The following FGGY variants were observed in gnomAD, a reference collection of about 807,000 sequenced individuals.
FGGY encodes the protein FGGY carbohydrate kinase domain-containing protein.
FGGY carries 72 observed loss-of-function variants against 71.3 expected under a neutral mutation model. The observed-to-expected ratio is 1.01, with a 90% CI of 0.84 to 1.23. The LOEUF is 1.23. Among genes scored for constraint, FGGY ranks in the 50% most tolerant of loss-of-function variants. FGGY has a pLI of 0.00. For synonymous variants in FGGY, 251 were observed against 250.3 expected, an observed-to-expected ratio of 1.00 and a Z score of -0.02; for missense variants, 668 against 682.3, an observed-to-expected ratio of 0.98 and a Z score of 0.23.
At chr1:59,480,824 A>G (rs978514916) in intron 6 of FGGY, among the ~76,000 whole-genome samples, 2 of 152,146 alleles carry the variant, frequency 1.3e-5, no homozygotes, top group Admixed American at 1.3e-4. Flanking sequence ...AGGGATCAAA[A>G]AATCATAATG....
intron 6 of FGGY, among the ~76,000 whole-genome samples, chr1:59,482,266 C>T (rs1241380338): frequency 6.6e-6 from 1 of 152,090 alleles, no homozygotes; most frequent in East Asian, 1.9e-4. Flanking sequence ...GCTTAGGTCA[C>T]CCTGGAATTA....
chr1:59,561,038 G>C (rs2095785198), intron 8 of FGGY, among the ~76,000 whole-genome samples: 1 of 152,194 alleles, frequency 6.6e-6, no homozygotes, highest in Non-Finnish European at 1.5e-5. Flanking sequence ...TGAGCCCTTT[G>C]GGAGGGCACC....
At chr1:59,678,214 G>C (rs2097455815) in intron 14 of FGGY, among the ~76,000 whole-genome samples, 1 of 152,140 alleles carries the variant, frequency 6.6e-6, no homozygotes, top group South Asian at 2.1e-4. Context: ...GAATAAGTGG[G>C]AGGGGACACA....
At chr1:59,613,354 C>T (rs1002321163) in intron 9 of FGGY, among the ~76,000 whole-genome samples, 1 of 152,148 alleles carries the variant, frequency 6.6e-6, no homozygotes, top group African/African-American at 2.4e-5. Flanking sequence ...CACTCAAAAC[C>T]ACTCAACTAC....
At chr1:59,554,012 C>T in intron 7 of FGGY, 112 bp from the exon 8 acceptor site, 2 of 821,814 alleles carry the variant, frequency 2.4e-6, no homozygotes, top group South Asian at 1.8e-5. Flanking sequence ...AGGACCCTTC[C>T]TCCATGTTGT....
intron 5 of FGGY, among the ~76,000 whole-genome samples, chr1:59,394,643 G>A (rs1220294455): frequency 1.3e-5 from 2 of 152,194 alleles, no homozygotes; most frequent in East Asian, 1.9e-4. Context: ...GGCAAATGGA[G>A]CTAAATACTA....
intron 4 of FGGY, among the ~76,000 whole-genome samples, chr1:59,366,817 C>T (rs17540601): frequency 0.096 from 14,610 of 151,974 alleles, 770 homozygotes; most frequent in Non-Finnish European, 0.12. Context: ...GAAAAGGTGA[C>T]ATCTGAGCTG....
At chr1:59,351,686 A>G (rs1194772312) in intron 4 of FGGY, among the ~76,000 whole-genome samples, 1 of 152,200 alleles carries the variant, frequency 6.6e-6, no homozygotes, top group Non-Finnish European at 1.5e-5. Context: ...GGGAGAACTA[A>G]TGAGACCTGA....
At chr1:59,692,224 T>G (rs1357330428) in intron 14 of FGGY, among the ~76,000 whole-genome samples, 1 of 152,242 alleles carries the variant, frequency 6.6e-6, no homozygotes, top group Non-Finnish European at 1.5e-5. Flanking sequence ...TCTAAATCTC[T>G]GTCTCATTTC....
At chr1:59,569,719 T>C (rs964783035) in intron 8 of FGGY, among the ~76,000 whole-genome samples, 1 of 152,220 alleles carries the variant, frequency 6.6e-6, no homozygotes, top group Non-Finnish European at 1.5e-5. Flanking sequence ...AACTTTTCCT[T>C]GGTGCTTTAG....
intron 1 of FGGY, among the ~76,000 whole-genome samples, chr1:59,312,888 CT>C (rs1212709688): frequency 6.6e-6 from 1 of 152,200 alleles, no homozygotes; most frequent in Non-Finnish European, 1.5e-5. Flanking sequence ...TAGGTTCTGT[CT>C]TTTCTGCCTT....
chr1:59,425,078 T>C (rs2066113161), intron 5 of FGGY, among the ~76,000 whole-genome samples: 1 of 152,206 alleles, frequency 6.6e-6, no homozygotes, highest in African/African-American at 2.4e-5. Context: ...ATGAAATCAA[T>C]ATTACTTCCC....
chr1:59,469,037 T>C (rs888675590), intron 6 of FGGY, among the ~76,000 whole-genome samples: 4 of 152,158 alleles, frequency 2.6e-5, no homozygotes, highest in Non-Finnish European at 5.9e-5. Context: ...TGTTGGAATC[T>C]GGCTAGACTT....
chr1:59,555,588 A>AG (rs2095671799), intron 8 of FGGY, among the ~76,000 whole-genome samples: 1 of 152,198 alleles, frequency 6.6e-6, no homozygotes, highest in African/African-American at 2.4e-5. Flanking sequence ...TCTGCCTGGG[A>AG]GGGTGCAGGG....
At position 59,716,692 on chromosome 1, in the gene FGGY, T is replaced by C. The variant is rs562161586; in HGVS notation, c.1513-41239T>C. 5.0e-4 allele frequency among the ~76,000 whole-genome samples: 76 copies of C among 152,292 alleles called. 1 individual carries two copies. The highest frequency in any genetic ancestry group is 8.3e-4 in the South Asian group (4 of 4,816). On this transcript the variant is annotated intron_variant, in intron 14 of 15. Coordinates refer to ENST00000303721, the MANE Select transcript of FGGY (RefSeq NM_018291.5). ...ATTTAGTACAGACAGTAAGTGAGTG[T>C]GAATTCAGAGAGCTGGGAACAAGAG...
chr1:59,719,548 C>T (rs1304747530), intron 14 of FGGY, among the ~76,000 whole-genome samples: 2 of 152,160 alleles, frequency 1.3e-5, no homozygotes, highest in Non-Finnish European at 2.9e-5. Context: ...TTATTATCAG[C>T]ATTATATTAA....
rs1244421862 is a variant in FGGY, at chr1:59,733,315, C to A, written c.1513-24616C>A. On this transcript the variant is annotated intron_variant, in intron 14 of 15. Coordinates refer to ENST00000303721, the MANE Select transcript of FGGY (RefSeq NM_018291.5). Reference sequence around the variant, plus strand: ...CACATTTTTGTGTCCCCTGCCCCATCTCCTCCTCACTACCCTCGGGAAACT... The same window carrying A: ...CACATTTTTGTGTCCCCTGCCCCATATCCTCCTCACTACCCTCGGGAAACT... 7 of 154,120 alleles carry A rather than the reference C, an allele frequency of 4.5e-5. 1 individual carries two copies. The East Asian group carries it at 1.4e-3, about 30-fold the overall frequency. The allele number at this position is 154,120 out of a possible 1,614,324, so 9.5% of individuals were successfully genotyped here. A position where few individuals can be genotyped will look rare whatever the true frequency, so the allele number is the denominator to read the frequency against.
chr1:59,378,973 T>C (rs1571310152), intron 5 of FGGY, 136 bp downstream of exon 5: 2 of 674,656 alleles, frequency 3.0e-6, no homozygotes, highest in East Asian at 5.7e-5. Context: ...ATGAAACATC[T>C]TGAATCTATC....
chr1:59,478,264 T>A (rs1480510762), intron 6 of FGGY, among the ~76,000 whole-genome samples: 2 of 152,218 alleles, frequency 1.3e-5, no homozygotes, highest in Non-Finnish European at 2.9e-5. Context: ...CTGTCTCTCG[T>A]GGGTATCATG....
Sources: allele counts gnomAD v4.1 joint callset (sites outside exome capture counted in the v4.1 genomes callset), GRCh38; gene constraint gnomAD v4.1.1; transcripts MANE v1.5; gene names NCBI Gene and HGNC (gene_info 2026-07-23, HGNC 2026-07-21).